MCTP2: variants seen among roughly 807,000 people sequenced by gnomAD.
MCTP2 encodes the protein multiple C2 and transmembrane domain-containing protein 2.
Under a neutral mutation model 111.6 loss-of-function variants are expected in MCTP2, and 132 were observed. The ratio of observed to expected loss-of-function variants is 1.18; its 90% confidence interval spans 1.03 to 1.37. MCTP2 has a LOEUF of 1.37. MCTP2 is among the 40% of genes most tolerant of loss of function. The pLI, the probability that MCTP2 is intolerant of heterozygous loss-of-function variation, is 0.00. For synonymous variants in MCTP2, 395 were observed against 387.7 expected, an observed-to-expected ratio of 1.02 and a Z score of -0.22; for missense variants, 1,183 against 1,067.9, an observed-to-expected ratio of 1.11 and a Z score of -1.50.
intron 1 of MCTP2, among the ~76,000 whole-genome samples, chr15:94,291,421 G>T (rs1194457032): frequency 6.6e-6 from 1 of 152,092 alleles, no homozygotes; most frequent in Non-Finnish European, 1.5e-5. Context: ...TGACCAACAT[G>T]ATGAAACCCT....
At chr15:94,245,223 T>TAC (rs2071744569) in intron 1 of MCTP2, among the ~76,000 whole-genome samples, 1 of 144,028 alleles carries the variant, frequency 6.9e-6, no homozygotes, top group African/African-American at 2.5e-5. Flanking sequence ...TATGTGTATA[T>TAC]ATACATATGT....
intron 21 of MCTP2, among the ~76,000 whole-genome samples, chr15:94,470,869 G>GA (rs2073869077): frequency 1.3e-5 from 2 of 152,078 alleles, no homozygotes; most frequent in Admixed American, 6.6e-5. Flanking sequence ...CCCTCTTGGA[G>GA]AAAAAAATTC....
At chr15:94,239,663 G>A (rs62017618) in intron 1 of MCTP2, among the ~76,000 whole-genome samples, 8,778 of 152,292 alleles carry the variant, frequency 0.058, 290 homozygotes, top group Non-Finnish European at 0.067. Context: ...TGTCTAAACA[G>A]GTAGAATTTA....
chr15:94,385,133 CCTT>C (rs1270768539), intron 13 of MCTP2, among the ~76,000 whole-genome samples: 2 of 152,146 alleles, frequency 1.3e-5, no homozygotes, highest in South Asian at 2.1e-4. Context: ...CTCCCTATCT[CCTT>C]CTTTATTTTG....
At chr15:94,263,777 A>G (rs2073343865) in intron 1 of MCTP2, among the ~76,000 whole-genome samples, 1 of 152,224 alleles carries the variant, frequency 6.6e-6, no homozygotes, top group South Asian at 2.1e-4. Flanking sequence ...ATGTAGAGTG[A>G]TTCACATTTT....
intron 1 of MCTP2, among the ~76,000 whole-genome samples, chr15:94,244,855 C>T (rs568081411): frequency 8.8e-5 from 10 of 113,268 alleles, no homozygotes; most frequent in Admixed American, 7.7e-4. Flanking sequence ...TATATGTATA[C>T]ACATACATAT....
At chr15:94,357,376 C>T (rs2078682839) in intron 9 of MCTP2, among the ~76,000 whole-genome samples, 1 of 152,166 alleles carries the variant, frequency 6.6e-6, no homozygotes, top group African/African-American at 2.4e-5. Flanking sequence ...TATCTCTCTA[C>T]TAAGATTCCT....
intron 2 of MCTP2, among the ~76,000 whole-genome samples, chr15:94,307,906 T>G (rs2075960526): frequency 6.6e-6 from 1 of 152,088 alleles, no homozygotes; most frequent in Non-Finnish European, 1.5e-5. Context: ...TTCATCAAGT[T>G]CTTTTGATCC....
chr15:94,413,303 G>T (rs931469977), intron 17 of MCTP2, among the ~76,000 whole-genome samples: 10 of 152,024 alleles, frequency 6.6e-5, no homozygotes, highest in Non-Finnish European at 1.3e-4. Context: ...TTTTCATGTT[G>T]TGTACTTTTC....
intron 21 of MCTP2, among the ~76,000 whole-genome samples, chr15:94,470,833 C>G (rs543646632): frequency 6.6e-6 from 1 of 152,172 alleles, no homozygotes; most frequent in Non-Finnish European, 1.5e-5. Context: ...GATCTGGCCA[C>G]TACCAGGTTG....
At chr15:94,329,084 C>T (rs1019624154) in intron 4 of MCTP2, among the ~76,000 whole-genome samples, 2 of 152,038 alleles carry the variant, frequency 1.3e-5, no homozygotes, top group Non-Finnish European at 2.9e-5. Flanking sequence ...TATGATGCAG[C>T]CTTGGAAGGA....
At position 94,390,066 on chromosome 15, in the gene MCTP2, A is replaced by ATG. The variant is rs1567602052; in HGVS notation, c.1788+4542_1788+4543insGT. On this transcript the variant is annotated intron_variant, in intron 14 of 22. Coordinates refer to ENST00000357742, the MANE Select transcript of MCTP2 (RefSeq NM_001385001.1). ...GTTCAAGGCATATATATATATATAT[A>ATG]TATATATATATATATATATATATGT... 3.5e-3 allele frequency among the ~76,000 whole-genome samples: 42 copies of ATG among 12,040 alleles called. 2 individuals are homozygous for ATG. In the East Asian group the frequency reaches 0.059, roughly 17 times the overall value. The allele number at this position is 12,040 out of a possible 152,430, so 7.9% of individuals were successfully genotyped here.
intron 20 of MCTP2, among the ~76,000 whole-genome samples, chr15:94,469,619 G>C (rs2073736372): frequency 6.6e-6 from 1 of 152,138 alleles, no homozygotes; most frequent in Admixed American, 6.5e-5. Context: ...TATAATCCCA[G>C]CACTTTGGGA....
intron 20 of MCTP2, among the ~76,000 whole-genome samples, chr15:94,463,004 A>G: frequency 6.6e-6 from 1 of 152,336 alleles, no homozygotes; most frequent in East Asian, 1.9e-4. Flanking sequence ...TAACACTAAA[A>G]TTGTGGGTCG....
intron 18 of MCTP2, 57 bp from the exon 19 acceptor site, chr15:94,442,862 A>G (rs1215573674): frequency 1.4e-6 from 2 of 1,460,758 alleles, no homozygotes; most frequent in East Asian, 4.5e-5. Context: ...TCTGAGTTTA[A>G]TTTGCATTTG....
At chr15:94,383,555 C>T (rs543917752) in intron 12 of MCTP2, among the ~76,000 whole-genome samples, 25 of 152,240 alleles carry the variant, frequency 1.6e-4, no homozygotes, top group Middle Eastern at 3.4e-3. Flanking sequence ...GCCTCACAAT[C>T]GTAGCAGAAG....
chr15:94,354,762 GT>G (rs1190018667), intron 8 of MCTP2, among the ~76,000 whole-genome samples: 1 of 152,184 alleles, frequency 6.6e-6, no homozygotes, highest in African/African-American at 2.4e-5. Flanking sequence ...CTTATTAAGA[GT>G]GGTGGAGTGG....
intron 8 of MCTP2, among the ~76,000 whole-genome samples, chr15:94,352,039 A>C (rs2078333737): frequency 6.6e-6 from 1 of 152,206 alleles, no homozygotes; most frequent in South Asian, 2.1e-4. Context: ...ACTGGAATTC[A>C]CATCACTATC....
chr15:94,446,233 T>A (rs1198759754), intron 19 of MCTP2, among the ~76,000 whole-genome samples: 1 of 152,212 alleles, frequency 6.6e-6, no homozygotes, highest in Non-Finnish European at 1.5e-5. Flanking sequence ...GGAGATGAAA[T>A]GTACAAGCTA....
Sources: allele counts gnomAD v4.1 joint callset (sites outside exome capture counted in the v4.1 genomes callset), GRCh38; gene constraint gnomAD v4.1.1; transcripts MANE v1.5; gene names NCBI Gene and HGNC (gene_info 2026-07-23, HGNC 2026-07-21).